The following UGT1A10 variants were observed in gnomAD, a reference collection of about 807,000 sequenced individuals.
The protein encoded by UGT1A10 is UDP glucuronosyltransferase family 1 member A10.
In UGT1A10, 49 loss-of-function variants were observed where a neutral mutation model predicts 45.8. The observed-to-expected ratio is 1.07, with a 90% CI of 0.85 to 1.36. The LOEUF (loss-of-function observed/expected upper bound fraction) is 1.36, where lower values mean the gene tolerates loss of function less well. Ranked by LOEUF, UGT1A10 falls within the 40% of genes most tolerant of loss-of-function variation. UGT1A10 has a pLI of 0.00. For missense variants in UGT1A10, 745 were observed against 668.6 expected, an observed-to-expected ratio of 1.11 and a Z score of -1.26; for synonymous variants, 284 against 249.7, an observed-to-expected ratio of 1.14 and a Z score of -1.29.
chr2:233,693,591 A>C lies in UGT1A10; in HGVS notation c.855+56214A>C, dbSNP rs1484230221. 7 of 1,614,114 alleles carry C rather than the reference A, an allele frequency of 4.3e-6. No individual in the cohort carries two copies. The highest frequency in any genetic ancestry group is 5.9e-6 in the Non-Finnish European group (7 of 1,180,040). On this transcript the variant is annotated intron_variant, in intron 1 of 4. Coordinates refer to ENST00000344644, the MANE Select transcript of UGT1A10 (RefSeq NM_019075.4). Reference sequence around the variant, plus strand: ...CCTGTGTCCTACATTCCCAGGTGCTACACAAAGTTTTCAGACCACATGACT... The same window carrying C: ...CCTGTGTCCTACATTCCCAGGTGCTCCACAAAGTTTTCAGACCACATGACT...
intron 1 of UGT1A10, among the ~76,000 whole-genome samples, chr2:233,703,976 C>T (rs542132657): frequency 9.2e-5 from 14 of 152,024 alleles, no homozygotes; most frequent in East Asian, 1.9e-4. Context: ...CTGCAACCTC[C>T]GCCTCCTGGG....
chr2:233,706,663 G>T (rs2075918745), intron 1 of UGT1A10, among the ~76,000 whole-genome samples: 1 of 152,176 alleles, frequency 6.6e-6, no homozygotes, highest in South Asian at 2.1e-4. Context: ...CTGTAGGTCT[G>T]ATTTCTACTC....
chr2:233,719,653 G>C (rs759057764), intron 1 of UGT1A10: 1 of 1,613,960 alleles, frequency 6.2e-7, no homozygotes, highest in African/African-American at 1.3e-5. Context: ...TTCATTGGGG[G>C]CATCAACTGT....
intron 1 of UGT1A10, among the ~76,000 whole-genome samples, chr2:233,641,864 G>A (rs1236506460): frequency 3.9e-5 from 6 of 152,104 alleles, no homozygotes; most frequent in Admixed American, 3.9e-4. Context: ...CCACTGAAAA[G>A]GCTGCTGCCA....
At chr2:233,651,911 A>G (rs1364270486) in intron 1 of UGT1A10, among the ~76,000 whole-genome samples, 1 of 152,166 alleles carries the variant, frequency 6.6e-6, no homozygotes, top group Non-Finnish European at 1.5e-5. Flanking sequence ...TATCCAGGGG[A>G]ATTACATCCA....
intron 1 of UGT1A10, among the ~76,000 whole-genome samples, chr2:233,655,044 A>AT (rs1418879589): frequency 6.6e-6 from 1 of 152,060 alleles, no homozygotes; most frequent in African/African-American, 2.4e-5. Context: ...AGCCGAGATC[A>AT]TACCACTGCA....
chr2:233,704,016 G>A (rs1353580305), intron 1 of UGT1A10, among the ~76,000 whole-genome samples: 1 of 151,762 alleles, frequency 6.6e-6, no homozygotes. Context: ...TCAGCCGCCC[G>A]AGCAGCTGGA....
intron 1 of UGT1A10, among the ~76,000 whole-genome samples, chr2:233,716,135 T>C (rs758883944): frequency 1.1e-4 from 16 of 152,340 alleles, no homozygotes; most frequent in Middle Eastern, 3.4e-3. Flanking sequence ...TGGAATTCCA[T>C]GGCCCTTTTC....
intron 1 of UGT1A10, among the ~76,000 whole-genome samples, chr2:233,710,054 G>A (rs2076107374): frequency 6.6e-6 from 1 of 152,154 alleles, no homozygotes; most frequent in Non-Finnish European, 1.5e-5. Context: ...TCTTTGGCTC[G>A]GCATAATGTC....
At chr2:233,657,785 G>A (rs548448166) in intron 1 of UGT1A10, among the ~76,000 whole-genome samples, 1 of 152,216 alleles carries the variant, frequency 6.6e-6, no homozygotes, top group South Asian at 2.1e-4. Flanking sequence ...GTGACTGTTT[G>A]CCATCTGTAT....
chr2:233,730,701 T>C (rs948528383), intron 1 of UGT1A10, among the ~76,000 whole-genome samples: 9 of 152,052 alleles, frequency 5.9e-5, no homozygotes, highest in African/African-American at 2.2e-4. Flanking sequence ...ATTCTTCTAC[T>C]TGGAATGCTG....
intron 2 of UGT1A10, 120 bp from the exon 3 acceptor site, chr2:233,767,729 C>T: frequency 1.3e-6 from 2 of 1,560,058 alleles, no homozygotes; most frequent in Middle Eastern, 1.7e-4. Flanking sequence ...GTTACTGATC[C>T]TCCCACTCTG....
intron 1 of UGT1A10, among the ~76,000 whole-genome samples, chr2:233,667,701 C>G (rs1313228381): frequency 2.0e-5 from 3 of 152,070 alleles, no homozygotes; most frequent in Non-Finnish European, 4.4e-5. Context: ...ATCAAACAGC[C>G]CCATCAAAAA....
At chr2:233,684,516 TTA>T (rs1263141696) in intron 1 of UGT1A10, among the ~76,000 whole-genome samples, 1 of 152,180 alleles carries the variant, frequency 6.6e-6, no homozygotes, top group Non-Finnish European at 1.5e-5. Context: ...GATGTAGAAA[TTA>T]TATATGATTC....
chr2:233,643,179 A>G (rs2073502455), intron 1 of UGT1A10, among the ~76,000 whole-genome samples: 1 of 152,206 alleles, frequency 6.6e-6, no homozygotes, highest in South Asian at 2.1e-4. Context: ...CAGAAGTGCC[A>G]TCTAGGAGTC....
intron 1 of UGT1A10, chr2:233,747,614 T>A (rs1693730257): frequency 3.8e-6 from 6 of 1,574,498 alleles, no homozygotes; most frequent in Non-Finnish European, 1.7e-6. Flanking sequence ...TACTGCATAA[T>A]GAGGCCCTGA....
At chr2:233,771,575 T>A (rs927540192) in intron 4 of UGT1A10, 6 of 152,302 alleles carry the variant, frequency 3.9e-5, no homozygotes, top group African/African-American at 1.4e-4. Context: ...AGGTGGTTGT[T>A]TACAACTTCA....
chr2:233,682,860 A>T, intron 1 of UGT1A10: 1 of 1,526,442 alleles, frequency 6.6e-7, no homozygotes, highest in Non-Finnish European at 8.8e-7. Context: ...TTCTTACAGA[A>T]TCATAATTTA....
Position 233,712,532 on chromosome 2 carries a change from A to G in UGT1A10, c.856-54502A>G, listed in dbSNP as rs541231437. Among the ~76,000 whole-genome samples, 17 of 152,328 alleles carry G rather than the reference A, an allele frequency of 1.1e-4. No homozygotes were observed. The South Asian group carries it at 3.5e-3, about 32-fold the overall frequency. The stretch of plus-strand genomic sequence containing the variant: ...GCATTTTGGATGTGCTGTGTTACCC[A>G]TATGTGGGAAGAAAGAGTATTAAGA... On this transcript the variant is annotated intron_variant, in intron 1 of 4. Coordinates refer to ENST00000344644, the MANE Select transcript of UGT1A10 (RefSeq NM_019075.4).
Sources: allele counts gnomAD v4.1 joint callset (sites outside exome capture counted in the v4.1 genomes callset), GRCh38; gene constraint gnomAD v4.1.1; transcripts MANE v1.5; gene names NCBI Gene and HGNC (gene_info 2026-07-23, HGNC 2026-07-21).